ABI3BP: variants seen among roughly 807,000 people sequenced by gnomAD.
The protein encoded by ABI3BP is ABI family member 3 binding protein, also known as target of Nesh-SH3.
ABI3BP carries 216 observed loss-of-function variants against 268.6 expected under a neutral mutation model. That is an observed-to-expected ratio of 0.80 (90% confidence interval 0.72 to 0.90). The LOEUF (loss-of-function observed/expected upper bound fraction) is 0.90, where lower values mean the gene tolerates loss of function less well. ABI3BP is among the 40% of genes least tolerant of loss of function. The probability of loss-of-function intolerance (pLI) is 0.00; values close to 1 mark genes in which losing one functional copy is unlikely to be tolerated. For missense variants in ABI3BP, 2,090 were observed against 2,182.4 expected, an observed-to-expected ratio of 0.96 and a Z score of 0.84; for synonymous variants, 730 against 730.0, an observed-to-expected ratio of 1.00 and a Z score of 0.00.
chr3:100,875,881 C>T (rs1166849672), intron 7 of ABI3BP, among the ~76,000 whole-genome samples: 1 of 152,110 alleles, frequency 6.6e-6, no homozygotes, highest in East Asian at 1.9e-4. Flanking sequence ...TCAATCAGTA[C>T]TAGCACAAAA....
intron 65 of ABI3BP, 129 bp downstream of exon 65, chr3:100,753,690 A>C: frequency 1.0e-6 from 1 of 978,140 alleles, no homozygotes; most frequent in East Asian, 2.6e-5. Flanking sequence ...GTAAACATTC[A>C]CAACTGTTTG....
At chr3:100,898,735 G>A (rs1203123414) in intron 4 of ABI3BP, 27 bp downstream of exon 4, 6 of 1,604,540 alleles carry the variant, frequency 3.7e-6, no homozygotes, top group Non-Finnish European at 5.1e-6. Context: ...ATGTACAGAT[G>A]CTATTAAAAG....
At chr3:100,957,949 G>C (rs1445571285) in intron 1 of ABI3BP, among the ~76,000 whole-genome samples, 1 of 152,164 alleles carries the variant, frequency 6.6e-6, no homozygotes, top group East Asian at 1.9e-4. Context: ...GATATTTAGA[G>C]CTGGAGGAAA....
intron 14 of ABI3BP, among the ~76,000 whole-genome samples, chr3:100,861,008 T>C (rs914377408): frequency 3.3e-5 from 5 of 152,154 alleles, no homozygotes; most frequent in South Asian, 4.1e-4. Flanking sequence ...TCACTCAGTA[T>C]GAAATTCAAC....
chr3:100,850,299 T>C (rs562916955), intron 16 of ABI3BP, among the ~76,000 whole-genome samples, 180 bp from the exon 17 acceptor site: 2 of 152,334 alleles, frequency 1.3e-5, no homozygotes, highest in East Asian at 3.9e-4. Context: ...GGGAAAAGGC[T>C]AGAATGATGA....
chr3:100,939,436 A>G (rs2067826342), intron 1 of ABI3BP, among the ~76,000 whole-genome samples: 1 of 152,028 alleles, frequency 6.6e-6, no homozygotes, highest in South Asian at 2.1e-4. Flanking sequence ...CCAGCTTGAA[A>G]AATAAAGGGA....
rs149077587 is a variant in ABI3BP, at chr3:100,762,772, T to C, written c.4850+3069A>G. 7.5e-3 allele frequency among the ~76,000 whole-genome samples: 1,141 copies of C among 152,348 alleles called. 9 individuals carry two copies. Among genetic ancestry groups the C allele is most frequent in the Middle Eastern group, 0.027 (8 of 294 alleles). ...ATTCATTCAGAGGCTCATCGGAGGC[T>C]AGGATCTATTGAACTCCTTGACCAC... On this transcript the variant is annotated intron_variant, in intron 63 of 67. Transcript: ENST00000471714.
chr3:100,867,672 G>A (rs1366577889), intron 9 of ABI3BP, among the ~76,000 whole-genome samples: 3 of 131,852 alleles, frequency 2.3e-5, no homozygotes, highest in South Asian at 2.6e-4. Context: ...GAAAATTTCC[G>A]TTATTCTACA....
chr3:100,925,329 G>C (rs1237348824), intron 2 of ABI3BP, among the ~76,000 whole-genome samples: 1 of 152,128 alleles, frequency 6.6e-6, no homozygotes, highest in Non-Finnish European at 1.5e-5. Flanking sequence ...AATCCTAGCA[G>C]TGGAACAAAA....
rs368795645 is a variant in ABI3BP at position 100,888,769 on chromosome 3, G to A, written c.462-2446C>T. 6.0e-5 allele frequency among the ~76,000 whole-genome samples: 9 copies of A among 150,514 alleles called. No homozygotes were observed. The East Asian group carries it at 1.2e-3, about 20-fold the overall frequency. On this transcript the variant is annotated intron_variant, in intron 4 of 67. Coordinates refer to ENST00000471714, the MANE Select transcript of ABI3BP (RefSeq NM_001375547.2). ...GTTTGTCCTTTTCAACACTGTCTCC[G>A]TTGATACTTGTATATTATAGGCAAA...
chr3:100,815,357 T>C (rs1329713388), intron 44 of ABI3BP, among the ~76,000 whole-genome samples: 4 of 152,138 alleles, frequency 2.6e-5, no homozygotes, highest in Non-Finnish European at 5.9e-5. Context: ...TGAACATGCA[T>C]AGATATTCAG....
At chr3:100,834,857 T>G (rs994455178) in intron 28 of ABI3BP, 84 bp from the exon 29 acceptor site, 4 of 1,284,632 alleles carry the variant, frequency 3.1e-6, no homozygotes, top group Non-Finnish European at 4.3e-6. Flanking sequence ...TTTTCTAAAG[T>G]TTTCCTAAGT....
rs1012528733 is a variant in ABI3BP, at chr3:100,811,193, C to G, written c.3541+37G>C. The G allele has an allele frequency of 8.6e-6, 13 of 1,514,598 alleles. No individual in the cohort carries two copies. The African/African-American group carries it at 1.8e-4, about 21-fold the overall frequency. 93.8% of individuals were successfully genotyped at this position (1,514,598 alleles called of 1,614,324 possible). On this transcript the variant is annotated intron_variant, in intron 48 of 67. Coordinates refer to ENST00000471714, the MANE Select transcript of ABI3BP (RefSeq NM_001375547.2). ...TCTCAGGCGATGGTGGCAATGAAGA[C>G]AGAGAGCACCCAGGGTTGGGCTACC...
At chr3:100,979,721 G>A (rs1250428804) in intron 1 of ABI3BP, among the ~76,000 whole-genome samples, 1 of 152,100 alleles carries the variant, frequency 6.6e-6, no homozygotes, top group East Asian at 1.9e-4. Flanking sequence ...TAATTTTCCG[G>A]CATAAGTGAA....
intron 38 of ABI3BP, 116 bp from the exon 39 acceptor site, chr3:100,821,229 C>T (rs2098211405): frequency 3.5e-6 from 3 of 857,448 alleles, no homozygotes; most frequent in Non-Finnish European, 3.5e-6. Context: ...TATATAGCAA[C>T]CTTTAAAAAC....
At chr3:100,843,517 G>C in intron 20 of ABI3BP, 5 of 928,352 alleles carry the variant, frequency 5.4e-6, no homozygotes, top group Non-Finnish European at 6.3e-6. Flanking sequence ...GGGAGGGAGA[G>C]GATGTGTGTG....
At chr3:100,917,800 C>A (rs926327356) in intron 2 of ABI3BP, among the ~76,000 whole-genome samples, 1 of 152,056 alleles carries the variant, frequency 6.6e-6, no homozygotes, top group African/African-American at 2.4e-5. Flanking sequence ...TGAAGTCAAG[C>A]AGACCATGAA....
At chr3:100,816,380 T>A (rs1216229591) in intron 43 of ABI3BP, 1 of 504,650 alleles carries the variant, frequency 2.0e-6, no homozygotes, top group Non-Finnish European at 3.5e-6. Context: ...GATCACATGT[T>A]TCAATGCAGA....
At chr3:100,786,804 G>A (rs1577655230) in intron 57 of ABI3BP, among the ~76,000 whole-genome samples, 1 of 152,196 alleles carries the variant, frequency 6.6e-6, no homozygotes, top group East Asian at 1.9e-4. Flanking sequence ...CTTTTCATAA[G>A]TCATGAATTT....
Sources: allele counts gnomAD v4.1 joint callset (sites outside exome capture counted in the v4.1 genomes callset), GRCh38; gene constraint gnomAD v4.1.1; transcripts MANE v1.5; gene names NCBI Gene and HGNC (gene_info 2026-07-23, HGNC 2026-07-21).